The following GMEB2 variants were observed in gnomAD, a reference collection of about 807,000 sequenced individuals.
GMEB2 encodes the protein glucocorticoid modulatory element binding protein 2, also known as glucocorticoid modulatory element-binding protein 2.
Under a neutral mutation model 45.7 loss-of-function variants are expected in GMEB2, and 7 were observed. That is an observed-to-expected ratio of 0.15 (90% CI 0.09 to 0.29). The LOEUF (loss-of-function observed/expected upper bound fraction) is 0.29, where lower values mean the gene tolerates loss of function less well. GMEB2 is among the 10% of genes least tolerant of loss of function. The probability of loss-of-function intolerance (pLI) is 1.00; values close to 1 mark genes in which losing one functional copy is unlikely to be tolerated. For synonymous variants in GMEB2, 322 were observed against 323.6 expected, an observed-to-expected ratio of 1.00 and a Z score of 0.05; for missense variants, 582 against 739.2, an observed-to-expected ratio of 0.79 and a Z score of 2.47.
chr20:63,609,143 CA>C (rs1417016435), intron 2 of GMEB2, among the ~76,000 whole-genome samples: 1 of 38,198 alleles, frequency 2.6e-5, no homozygotes, highest in Admixed American at 1.9e-4. Context: ...TCTGACCCCA[CA>C]CATCCATTTC....
intron 2 of GMEB2, among the ~76,000 whole-genome samples, chr20:63,614,534 C>CG (rs1569057602): frequency 6.6e-6 from 1 of 151,574 alleles, no homozygotes; most frequent in Admixed American, 6.6e-5. Flanking sequence ...TCCCTTTCCC[C>CG]GGGGGAGTTT....
rs545756093 is a variant in GMEB2 at position 63,598,056 on chromosome 20, G to A, written c.358-196C>T. ...ACAGGCACGGTGGCTGCAGTGGGGA[G>A]TGGTGTCTCCTCCAGCCCTGAGGGG... On this transcript the variant is annotated intron_variant, in intron 4 of 9. Coordinates refer to ENST00000370077, the MANE Select transcript of GMEB2 (RefSeq NM_012384.5). Among the ~76,000 whole-genome samples the A allele has an allele frequency of 1.5e-3, 230 of 152,324 alleles. 4 individuals carry two copies. Among genetic ancestry groups the A allele is most frequent in the Admixed American group, 0.015 (228 of 15,304 alleles).
Position 63,607,293 on chromosome 20 carries a change from C to T in GMEB2, c.132-2453G>A, listed in dbSNP as rs535656816. 1.3e-3 allele frequency among the ~76,000 whole-genome samples: 171 copies of T among 133,926 alleles called. 1 individual carries two copies. Among genetic ancestry groups the T allele is most frequent in the African/African-American group, 4.8e-3 (162 of 33,972 alleles). 87.9% of individuals were successfully genotyped at this position (133,926 alleles called of 152,430 possible). A position where few individuals can be genotyped will look rare whatever the true frequency, so the allele number is the denominator to read the frequency against. The stretch of plus-strand genomic sequence containing the variant: ...CCCACATCCATTTCTAGAAACATGC[C>T]CCTCTGACCCACACCTCCATTTCTA... On this transcript the variant is annotated intron_variant, in intron 2 of 9. Coordinates refer to ENST00000370077, the MANE Select transcript of GMEB2 (RefSeq NM_012384.5).
At chr20:63,615,762 C>A (rs555570998) in intron 2 of GMEB2, among the ~76,000 whole-genome samples, 1 of 152,188 alleles carries the variant, frequency 6.6e-6, no homozygotes, top group African/African-American at 2.4e-5. Context: ...GCTGGGAACG[C>A]GAGGGGCACG....
Position 63,592,222 on chromosome 20 carries a change from G to C in GMEB2, c.830-78C>G, listed in dbSNP as rs1601003972. The C allele has an allele frequency of 2.1e-6, 3 of 1,412,060 alleles. No homozygotes were observed. The highest frequency in any genetic ancestry group is 2.9e-6 in the Non-Finnish European group (3 of 1,026,994). 87.5% of individuals were successfully genotyped at this position (1,412,060 alleles called of 1,614,324 possible). A position where few individuals can be genotyped will look rare whatever the true frequency, so the allele number is the denominator to read the frequency against. On this transcript the variant is annotated intron_variant, in intron 8 of 9. Transcript: ENST00000370077. This position sits in a 1 kb window ranked among gnomAD's most constrained non-coding sequence, Gnocchi z 8.2. ...CACGCGGACGCTCGGTGAGAGCCCGGGACCTTCCTAGAGAGTCACGTGGAC... is the reference window on the plus strand; with the variant it reads ...CACGCGGACGCTCGGTGAGAGCCCGCGACCTTCCTAGAGAGTCACGTGGAC...
At chr20:63,607,168 C>A (rs2089526366) in intron 2 of GMEB2, among the ~76,000 whole-genome samples, 1 of 150,784 alleles carries the variant, frequency 6.6e-6, no homozygotes, top group Admixed American at 6.6e-5. Flanking sequence ...GCCCCTTTGA[C>A]CCACCTCCAT....
chr20:63,590,874 G>A (rs1283913231), intron 9 of GMEB2, 145 bp from the exon 10 acceptor site: 4 of 497,614 alleles, frequency 8.0e-6, no homozygotes, highest in Non-Finnish European at 1.0e-5. Context: ...CACAAACCCA[G>A]ATGACCACAT....
intron 4 of GMEB2, 146 bp from the exon 5 acceptor site, chr20:63,598,006 T>G (rs939596932): frequency 3.3e-6 from 2 of 611,368 alleles, no homozygotes; most frequent in Middle Eastern, 2.6e-4. Flanking sequence ...CTACAGAGCA[T>G]TCAGGTAAAA....
At chr20:63,613,156 A>G (rs899687000) in intron 2 of GMEB2, among the ~76,000 whole-genome samples, 1 of 152,230 alleles carries the variant, frequency 6.6e-6, no homozygotes, top group Non-Finnish European at 1.5e-5. Flanking sequence ...TGACACAATC[A>G]TAAACAGAGC....
intron 1 of GMEB2, among the ~76,000 whole-genome samples, chr20:63,626,565 C>A (rs2089674933): frequency 7.3e-6 from 1 of 137,742 alleles, no homozygotes; most frequent in Admixed American, 7.1e-5. Flanking sequence ...GTGGCCCCTG[C>A]GGGTCGGGTG....
intron 2 of GMEB2, among the ~76,000 whole-genome samples, chr20:63,612,550 G>A (rs150623699): frequency 1.6e-4 from 25 of 152,332 alleles, no homozygotes; most frequent in Non-Finnish European, 3.1e-4. Context: ...TGATCTCAAC[G>A]TTTTGTAACT....
rs2083109921 is a variant in GMEB2, at chr20:63,588,086, C to T, written c.*2003G>A. On this transcript the variant is annotated 3_prime_UTR_variant, in exon 10 of 10. Transcript: ENST00000370077. ...AAGCACTGGGAATGGGCTCCCAGCC[C>T]TGGTGGAATGGGGGATTGGGAATTA... 6.6e-6 allele frequency: 1 copy of T among 152,436 alleles called. No individual in the cohort carries two copies. Among genetic ancestry groups the T allele is most frequent in the African/African-American group, 2.4e-5 (1 of 41,474 alleles). The allele number at this position is 152,436 out of a possible 1,614,324, so 9.4% of individuals were successfully genotyped here. A position where few individuals can be genotyped will look rare whatever the true frequency, so the allele number is the denominator to read the frequency against.
At position 63,609,361 on chromosome 20, in the gene GMEB2, C is replaced by A. The variant is rs375419623; in HGVS notation, c.132-4521G>T. ...CCACTCTGACCCCACACATCCATTT[C>A]TAGAAACATGCCCCTCTGACCTCAC... On this transcript the variant is annotated intron_variant, in intron 2 of 9. Coordinates refer to ENST00000370077, the MANE Select transcript of GMEB2 (RefSeq NM_012384.5). Among the ~76,000 whole-genome samples, 49 of 125,832 alleles carry A rather than the reference C, an allele frequency of 3.9e-4. No individual in the cohort carries two copies. The South Asian group carries it at 0.016, about 41-fold the overall frequency. 82.6% of individuals were successfully genotyped at this position (125,832 alleles called of 152,430 possible).
intron 9 of GMEB2, among the ~76,000 whole-genome samples, 160 bp from the exon 10 acceptor site, chr20:63,590,889 G>A (rs1032792717): frequency 3.3e-5 from 5 of 152,170 alleles, no homozygotes; most frequent in African/African-American, 1.2e-4. Flanking sequence ...CCACATGGCC[G>A]CCAAAGGTGA....
chr20:63,593,018 G>T lies in GMEB2; in HGVS notation c.684C>A (p.Ala228=). ...CAAGGAGGAACCTCGTACCTCCAAT[G>T]GCCGCGGTCCAGTCGCCAGGGTCTT... ...TCEDPGDWTA[A]IGDDTFTFWR... The change falls in exon 7 of 10, where the codon GCC becomes GCA. Residue 228 remains alanine, a synonymous_variant. Transcript: ENST00000370077. This position sits in a 1 kb window ranked among gnomAD's most constrained non-coding sequence, Gnocchi z 4.7. 6.2e-7 allele frequency: 1 copy of T among 1,607,404 alleles called. No homozygotes were observed.
chr20:63,611,166 A>C (rs771773531), intron 2 of GMEB2, among the ~76,000 whole-genome samples: 3 of 152,256 alleles, frequency 2.0e-5, no homozygotes, highest in Non-Finnish European at 4.4e-5. Context: ...TGCTGTCCCC[A>C]GCCTGGGACA....
chr20:63,588,717 G>C lies in GMEB2; in HGVS notation c.*1372C>G. The C allele has an allele frequency of 2.5e-6, 1 of 398,658 alleles. No homozygotes were observed. Among genetic ancestry groups the C allele is most frequent in the Non-Finnish European group, 4.4e-6 (1 of 226,100 alleles). 24.7% of individuals were successfully genotyped at this position (398,658 alleles called of 1,614,324 possible). On this transcript the variant is annotated 3_prime_UTR_variant, in exon 10 of 10. Transcript: ENST00000370077. ...ACCCTCGCATTGCGGGGCCTCAGAC[G>C]GGCCTTCAACTGCCGACAGAATCAG...
chr20:63,604,136 C>T (rs1479205408), intron 3 of GMEB2, among the ~76,000 whole-genome samples: 1 of 141,534 alleles, frequency 7.1e-6, no homozygotes, highest in African/African-American at 2.6e-5. Flanking sequence ...GAGGCTGAGG[C>T]TGGAGGATCA....
intron 4 of GMEB2, among the ~76,000 whole-genome samples, chr20:63,602,693 T>G (rs547793189): frequency 6.6e-6 from 1 of 152,252 alleles, no homozygotes; most frequent in Admixed American, 6.5e-5. Context: ...AGGCAGCCTT[T>G]TTGGAGCAGC....
Sources: allele counts gnomAD v4.1 joint callset (sites outside exome capture counted in the v4.1 genomes callset), GRCh38; gene constraint gnomAD v4.1.1; non-coding constraint Gnocchi (gnomAD v3.1); transcripts MANE v1.5; gene names NCBI Gene and HGNC (gene_info 2026-07-23, HGNC 2026-07-21).